Variants in MANBA observed in about 807,000 individuals in gnomAD.
MANBA encodes the protein beta-mannosidase.
Under a neutral mutation model 111.1 loss-of-function variants are expected in MANBA, and 83 were observed. The observed-to-expected ratio is 0.75, with a 90% CI of 0.63 to 0.90. The LOEUF (loss-of-function observed/expected upper bound fraction) is 0.90. Among genes scored for constraint, MANBA ranks in the 40% least tolerant of loss-of-function variants. The probability of loss-of-function intolerance (pLI) is 0.00; values close to 1 mark genes in which losing one functional copy is unlikely to be tolerated. For synonymous variants in MANBA, 370 were observed against 378.7 expected (o/e 0.98, Z 0.27); for missense variants, 1,036 against 1,069.0 (o/e 0.97, Z 0.43).
intron 7 of MANBA, among the ~76,000 whole-genome samples, chr4:102,681,834 G>A (rs895890527): frequency 2.0e-5 from 3 of 151,978 alleles, no homozygotes; most frequent in Non-Finnish European, 4.4e-5. Flanking sequence ...TCATGTATCC[G>A]GGAATGACTG....
chr4:102,700,570 G>A (rs1241678719), intron 5 of MANBA, among the ~76,000 whole-genome samples: 2 of 151,708 alleles, frequency 1.3e-5, no homozygotes, highest in African/African-American at 2.4e-5. Flanking sequence ...CTTTGTTCTC[G>A]TTGGTTTCAA....
At chr4:102,744,676 T>A (rs1358124181) in intron 1 of MANBA, among the ~76,000 whole-genome samples, 2 of 152,196 alleles carry the variant, frequency 1.3e-5, no homozygotes, top group African/African-American at 4.8e-5. Context: ...ACCACTTGGT[T>A]AAGTTTACAA....
intron 1 of MANBA, among the ~76,000 whole-genome samples, chr4:102,735,635 C>T (rs570711071): frequency 2.8e-4 from 43 of 151,988 alleles, no homozygotes; most frequent in Admixed American, 2.4e-3. Flanking sequence ...TTTGATCATA[C>T]TGAAATTCTG....
intron 1 of MANBA, among the ~76,000 whole-genome samples, chr4:102,738,339 G>C (rs1488997395): frequency 6.6e-6 from 1 of 152,182 alleles, no homozygotes; most frequent in East Asian, 1.9e-4. Flanking sequence ...TACAACCAAG[G>C]ACTCCCACTT....
At chr4:102,724,072 AT>A in intron 2 of MANBA, 105 bp from the exon 3 acceptor site, 1 of 703,596 alleles carries the variant, frequency 1.4e-6, no homozygotes, top group Middle Eastern at 3.8e-4. Context: ...TCCACAAAAA[AT>A]ATATGTTCTT....
At chr4:102,696,712 C>T (rs990804999) in intron 5 of MANBA, among the ~76,000 whole-genome samples, 2 of 152,324 alleles carry the variant, frequency 1.3e-5, no homozygotes, top group South Asian at 4.1e-4. Flanking sequence ...CCTGGATTAG[C>T]TTTGCCCTGC....
At chr4:102,745,708 C>T (rs1197450977) in intron 1 of MANBA, among the ~76,000 whole-genome samples, 1 of 152,194 alleles carries the variant, frequency 6.6e-6, no homozygotes, top group Non-Finnish European at 1.5e-5. Context: ...GCTGCAACAT[C>T]AAAAGCAGAA....
intron 7 of MANBA, among the ~76,000 whole-genome samples, chr4:102,686,413 T>A (rs1275113901): frequency 6.6e-6 from 1 of 152,204 alleles, no homozygotes; most frequent in Non-Finnish European, 1.5e-5. Context: ...GTTGCCTATG[T>A]GAAGCCAATC....
At chr4:102,646,610 A>C (rs539122010) in intron 13 of MANBA, among the ~76,000 whole-genome samples, 1 of 152,300 alleles carries the variant, frequency 6.6e-6, no homozygotes, top group East Asian at 1.9e-4. Context: ...CTGCTCTCTT[A>C]GTGGCCAATA....
At chr4:102,729,615 C>T in intron 1 of MANBA, 1 of 973,702 alleles carries the variant, frequency 1.0e-6, no homozygotes, top group Non-Finnish European at 1.7e-6. Flanking sequence ...CACCTCTGTA[C>T]ACTTATTGAT....
At chr4:102,660,035 AC>A (rs1242290332) in intron 11 of MANBA, among the ~76,000 whole-genome samples, 2 of 152,064 alleles carry the variant, frequency 1.3e-5, no homozygotes, top group Non-Finnish European at 2.9e-5. Flanking sequence ...TGCACACTTG[AC>A]CTCATGTTCA....
intron 1 of MANBA, among the ~76,000 whole-genome samples, chr4:102,744,044 C>G (rs182750368): frequency 6.6e-6 from 1 of 152,202 alleles, no homozygotes; most frequent in Non-Finnish European, 1.5e-5. Flanking sequence ...TGTTGCAGAA[C>G]CTTCTCCTGT....
At chr4:102,650,207 G>A (rs1433583489) in intron 13 of MANBA, among the ~76,000 whole-genome samples, 1 of 152,156 alleles carries the variant, frequency 6.6e-6, no homozygotes, top group African/African-American at 2.4e-5. Context: ...ATCTGTTTCT[G>A]GACTCTATTG....
rs192022388 is a variant in MANBA, at chr4:102,663,941, C to T, written c.1485+744G>A. Among the ~76,000 whole-genome samples the T allele has an allele frequency of 1.3e-4, 20 of 152,272 alleles. 1 individual carries two copies. Among genetic ancestry groups the T allele is most frequent in the Middle Eastern group, 6.8e-3 (2 of 294 alleles). ...CCACTATAGAGCAAGGGCCATACAGCGGGGTTGGAGACCAGCTCTCTCATC... is the reference window on the plus strand; with the variant it reads ...CCACTATAGAGCAAGGGCCATACAGTGGGGTTGGAGACCAGCTCTCTCATC... On this transcript the variant is annotated intron_variant, in intron 11 of 16. Transcript: ENST00000647097.
At chr4:102,728,353 C>A in intron 1 of MANBA, 1 of 531,784 alleles carries the variant, frequency 1.9e-6, no homozygotes, top group Admixed American at 1.9e-5. Context: ...TCACTCTCTG[C>A]AGGCTTTTGC....
chr4:102,709,234 A>C lies in MANBA; in HGVS notation c.673+5204T>G, dbSNP rs115609181. ...CAAGGCAGAAAAGGAAAGGAAAGGA[A>C]AAAAGAAAGGAAGAAAGAAAGAAAG... is the stretch of plus-strand genomic sequence containing the variant. On this transcript the variant is annotated intron_variant, in intron 5 of 16. Transcript: ENST00000647097. Among the ~76,000 whole-genome samples, 802 of 150,866 alleles carry C rather than the reference A, an allele frequency of 5.3e-3. 7 individuals carry two copies. The highest frequency in any genetic ancestry group is 0.019 in the African/African-American group (773 of 41,064).
At chr4:102,732,933 C>G (rs1723081896) in intron 1 of MANBA, among the ~76,000 whole-genome samples, 1 of 152,164 alleles carries the variant, frequency 6.6e-6, no homozygotes. Context: ...ACACACTAAG[C>G]CCGGGGGCTG....
chr4:102,730,615 C>A, intron 1 of MANBA: 1 of 541,824 alleles, frequency 1.8e-6, no homozygotes, highest in Non-Finnish European at 3.7e-6. Flanking sequence ...CAAGTTGATG[C>A]CATTGCTGTC....
chr4:102,697,450 C>T (rs1479585820), intron 5 of MANBA, among the ~76,000 whole-genome samples: 2 of 151,898 alleles, frequency 1.3e-5, no homozygotes, highest in South Asian at 2.1e-4. Flanking sequence ...TGGTGCGCTG[C>T]ACCCACTAAA....
Sources: allele counts gnomAD v4.1 joint callset (sites outside exome capture counted in the v4.1 genomes callset), GRCh38; gene constraint gnomAD v4.1.1; transcripts MANE v1.5; gene names NCBI Gene and HGNC (gene_info 2026-07-23, HGNC 2026-07-21).